Variants in POLRMT observed in about 807,000 individuals in gnomAD.
POLRMT encodes the protein RNA polymerase mitochondrial.
In POLRMT, 114 loss-of-function variants were observed where a neutral mutation model predicts 132.2. That is an observed-to-expected ratio of 0.86 (90% CI 0.74 to 1.01). POLRMT has a LOEUF of 1.01. Ranked by LOEUF, POLRMT falls within the 50% of genes least tolerant of loss-of-function variation. The pLI is 0.00. For synonymous variants in POLRMT, 1,020 were observed against 773.4 expected, an observed-to-expected ratio of 1.32 and a Z score of -5.29; for missense variants, 2,003 against 1,729.1, an observed-to-expected ratio of 1.16 and a Z score of -2.81.
At chr19:618,464 C>T in intron 17 of POLRMT, 24 bp downstream of exon 17, 3 of 1,556,822 alleles carry the variant, frequency 1.9e-6, no homozygotes, top group Non-Finnish European at 8.8e-7. Flanking sequence ...GCGAGCGGCA[C>T]CCACGCCGTC....
chr19:633,440 G>A lies in POLRMT; in HGVS notation c.73C>T (p.Leu25Phe). ...TTTGTGTTACCTTCTTTGCCGGGGAGTCCCGGGCGGCCGCAAGGCCGTAGG... is the reference window on the plus strand; with the variant it reads ...TTTGTGTTACCTTCTTTGCCGGGGAATCCCGGGCGGCCGCAAGGCCGTAGG... ...RALRPCGRPG[L>F]PGKEGTAGGV... The change falls in exon 1 of 21, where the codon CTC (leucine) becomes TTC (phenylalanine). Residue 25 changes from leucine to phenylalanine, a missense_variant. Leu to Phe is a conservative substitution (Grantham distance 22). Coordinates refer to ENST00000588649, the MANE Select transcript of POLRMT (RefSeq NM_005035.4). 6.4e-7 allele frequency: 1 copy of A among 1,554,936 alleles called. No homozygotes were observed. Among genetic ancestry groups the A allele is most frequent in the Non-Finnish European group, 8.7e-7 (1 of 1,149,908 alleles).
chr19:622,391 C>G lies in POLRMT; in HGVS notation c.1627-18G>C. The G allele has an allele frequency of 6.5e-7, 1 of 1,535,982 alleles. No homozygotes were observed. Among genetic ancestry groups the G allele is most frequent in the Admixed American group, 2.0e-5 (1 of 50,462 alleles). Reference sequence around the variant, plus strand: ...TCGGGCACCTGTAGGACAGGGCGGTCAGGGCGCTGGGCACCGGGGCCCCTG... The same window carrying G: ...TCGGGCACCTGTAGGACAGGGCGGTGAGGGCGCTGGGCACCGGGGCCCCTG... On this transcript the variant is annotated intron_variant, in intron 8 of 20. Transcript: ENST00000588649.
chr19:628,435 A>G (rs953755220), intron 3 of POLRMT, among the ~76,000 whole-genome samples: 1 of 152,206 alleles, frequency 6.6e-6, no homozygotes, highest in African/African-American at 2.4e-5. Context: ...AGCACTGCGG[A>G]CTTCACCGCA....
chr19:630,016 G>A lies in POLRMT; in HGVS notation c.346C>T (p.Pro116Ser), dbSNP rs1985296381. The change falls in exon 3 of 21, where the codon CCG (proline) becomes TCG (serine). Residue 116 changes from proline to serine, a missense_variant. Pro to Ser is a moderately conservative substitution (Grantham distance 74). Transcript: ENST00000588649. ...TTTGCCCAGCGGCCACAGGGCACCG[G>A]GGTGGCATCCTTGGCCCCCATCTGG... ...KVQMGAKDATPVPCGRWAKIL... is the reference protein window; with the variant it reads ...KVQMGAKDATSVPCGRWAKIL... The A allele has an allele frequency of 6.8e-6, 11 of 1,613,802 alleles. No homozygotes were observed. The highest frequency in any genetic ancestry group is 8.5e-6 in the Non-Finnish European group (10 of 1,180,022).
At chr19:629,251 C>G (rs1985231728) in intron 3 of POLRMT, among the ~76,000 whole-genome samples, 2 of 152,108 alleles carry the variant, frequency 1.3e-5, no homozygotes, top group Non-Finnish European at 2.9e-5. Flanking sequence ...GCTCTGCAGG[C>G]TGCCCCCCGA....
At chr19:631,870 G>A (rs1985443330) in intron 2 of POLRMT, among the ~76,000 whole-genome samples, 1 of 152,136 alleles carries the variant, frequency 6.6e-6, no homozygotes, top group Admixed American at 6.5e-5. Flanking sequence ...GTCTCCCCGG[G>A]TTCAAGCGAT....
At chr19:620,626 G>C (rs560857390) in intron 10 of POLRMT, 139 bp from the exon 11 acceptor site, 3 of 1,135,206 alleles carry the variant, frequency 2.6e-6, no homozygotes, top group African/African-American at 3.2e-5. Context: ...GTGGGCGAGA[G>C]ACGGGGCGGT....
intron 3 of POLRMT, among the ~76,000 whole-genome samples, chr19:628,658 G>C (rs1985195312): frequency 6.6e-6 from 1 of 151,980 alleles, no homozygotes; most frequent in Admixed American, 6.6e-5. Context: ...GGGAACGTTT[G>C]CTGCTTTGAA....
Position 629,798 on chromosome 19 carries a change from C to T in POLRMT, c.564G>A (p.Glu188=). The T allele has an allele frequency of 3.2e-6, 5 of 1,574,766 alleles. No individual in the cohort carries two copies. The highest frequency in any genetic ancestry group is 1.2e-5 in the South Asian group (1 of 86,688). Reference sequence around the variant, plus strand: ...CCTGCAGCAGCCGGGCCAGCTGCTCCTCCCAGGGGCTCTCGGGGGCCTGGC... The same window carrying T: ...CCTGCAGCAGCCGGGCCAGCTGCTCTTCCCAGGGGCTCTCGGGGGCCTGGC... ...CTRQAPESPW[E]EQLARLLQEA... The change falls in exon 3 of 21, where the codon GAG becomes GAA. Residue 188 remains glutamate (E), a synonymous_variant. Transcript: ENST00000588649.
Position 619,722 on chromosome 19 carries a change from A to G in POLRMT, c.2930T>C (p.Val977Ala). The G allele has an allele frequency of 6.2e-7, 1 of 1,602,678 alleles. No individual in the cohort carries two copies. Among genetic ancestry groups the G allele is most frequent in the Non-Finnish European group, 8.5e-7 (1 of 1,174,836 alleles). The change falls in exon 13 of 21, where the codon GTG becomes GCG. Residue 977 changes from valine (V) to alanine (A), a missense_variant. By Grantham distance (64) the Val-to-Ala change is moderately conservative. Coordinates refer to ENST00000588649, the MANE Select transcript of POLRMT (RefSeq NM_005035.4). ...RRQDAQRGMR[V>A]AQVLEGFITR... Reference sequence around the variant, plus strand: ...GATGAAACCTTCCAGCACCTGTGCCACCCGCATGCCCCGCTGGGCGTCCTG... The same window carrying G: ...GATGAAACCTTCCAGCACCTGTGCCGCCCGCATGCCCCGCTGGGCGTCCTG...
At chr19:624,958 C>T (rs1378516889) in intron 4 of POLRMT, 53 bp from the exon 5 acceptor site, 4 of 1,563,504 alleles carry the variant, frequency 2.6e-6, no homozygotes, top group Non-Finnish European at 3.5e-6. Flanking sequence ...GCTGGGCTTC[C>T]ACAGACCCCA....
At chr19:617,503 G>C in intron 19 of POLRMT, 23 bp from the exon 20 acceptor site, 1 of 1,605,858 alleles carries the variant, frequency 6.2e-7, no homozygotes, top group Non-Finnish European at 8.5e-7. Context: ...GCAGGGTGGG[G>C]TGAGGCTGAG....
At chr19:618,225 C>A in intron 17 of POLRMT, 1 of 548,610 alleles carries the variant, frequency 1.8e-6, no homozygotes, top group South Asian at 2.4e-5. Flanking sequence ...TCTAACCACA[C>A]ATCGCGGTGC....
intron 3 of POLRMT, among the ~76,000 whole-genome samples, chr19:628,136 T>C (rs1305569729): frequency 6.6e-6 from 1 of 152,166 alleles, no homozygotes; most frequent in Non-Finnish European, 1.5e-5. Flanking sequence ...GAGGGGCCCC[T>C]GCTAGAGCCT....
At chr19:623,019 G>C (rs372256187) in intron 6 of POLRMT, 34 bp from the exon 7 acceptor site, 1 of 1,603,274 alleles carries the variant, frequency 6.2e-7, no homozygotes, top group Admixed American at 1.7e-5. Context: ...TGAGCCCCGT[G>C]GCAGCTGGTG....
At position 622,756 on chromosome 19, in the gene POLRMT, C is replaced by T; in HGVS notation, c.1456-4G>A. The T allele has an allele frequency of 6.3e-7, 1 of 1,581,328 alleles. No homozygotes were observed. The highest frequency in any genetic ancestry group is 8.6e-7 in the Non-Finnish European group (1 of 1,165,734). On this transcript the variant is annotated splice_region_variant and splice_polypyrimidine_tract_variant and intron_variant, in intron 7 of 20. Transcript: ENST00000588649. ...GGGCGGGCAGCGCCTGCAGGACCTG[C>T]GGAAGGCAGCCGTGAGTGCCTGCCC...
intron 3 of POLRMT, among the ~76,000 whole-genome samples, chr19:628,253 G>A (rs1270836533): frequency 1.3e-5 from 2 of 152,206 alleles, no homozygotes; most frequent in African/African-American, 2.4e-5. Flanking sequence ...CTTTCGTAGG[G>A]GCCGATCCCA....
intron 2 of POLRMT, among the ~76,000 whole-genome samples, chr19:630,924 G>A (rs758147222): frequency 6.6e-6 from 1 of 152,212 alleles, no homozygotes; most frequent in African/African-American, 2.4e-5. Flanking sequence ...TTGGGAGGCC[G>A]AGGCAGGAAG....
Position 617,238 on chromosome 19 carries a change from G to C in POLRMT, c.*36C>G. On this transcript the variant is annotated 3_prime_UTR_variant, in exon 21 of 21. Coordinates refer to ENST00000588649, the MANE Select transcript of POLRMT (RefSeq NM_005035.4). ...ACAGTGGCTCCTGGGGGTGGCAAAA[G>C]AGCTTTATTTACACACTGACAAGGC... 1.2e-6 allele frequency: 2 copies of C among 1,610,612 alleles called. No individual in the cohort carries two copies. Among genetic ancestry groups the C allele is most frequent in the Non-Finnish European group, 1.7e-6 (2 of 1,178,664 alleles).
Sources: gnomAD v4.1 joint callset for allele counts (sites outside exome capture counted in the v4.1 genomes callset) on GRCh38, gnomAD v4.1.1 for gene constraint, MANE v1.5 for transcripts, NCBI Gene and HGNC (gene_info 2026-07-23, HGNC 2026-07-21) for gene names.